DOK6: variants seen among roughly 807,000 people sequenced by gnomAD.
DOK6 encodes the protein downstream of tyrosine kinase 6.
In DOK6, 22 loss-of-function variants were observed where a neutral mutation model predicts 44.0. The ratio of observed to expected loss-of-function variants is 0.50; its 90% CI spans 0.36 to 0.71. The LOEUF (loss-of-function observed/expected upper bound fraction) is 0.71. Ranked by LOEUF, DOK6 falls within the 30% of genes least tolerant of loss-of-function variation. The pLI is 0.00. For missense variants in DOK6, 340 were observed against 416.4 expected, an observed-to-expected ratio of 0.82 and a Z score of 1.60; for synonymous variants, 166 against 145.5, an observed-to-expected ratio of 1.14 and a Z score of -1.01.
chr18:69,778,289 T>A (rs1980143549), intron 7 of DOK6, among the ~76,000 whole-genome samples: 1 of 152,118 alleles, frequency 6.6e-6, no homozygotes, highest in South Asian at 2.1e-4. Context: ...CAGGTCCTCC[T>A]AGAAGCAGAT....
At chr18:69,517,184 A>G (rs574080600) in intron 1 of DOK6, among the ~76,000 whole-genome samples, 1 of 152,336 alleles carries the variant, frequency 6.6e-6, no homozygotes, top group South Asian at 2.1e-4. Context: ...CCTAAGTCAG[A>G]ATAGAGTCAA....
At chr18:69,522,792 CA>C (rs1160259608) in intron 1 of DOK6, among the ~76,000 whole-genome samples, 2 of 152,090 alleles carry the variant, frequency 1.3e-5, no homozygotes, top group Admixed American at 1.3e-4. Context: ...TACTGTTCCA[CA>C]TTATTGAACT....
intron 1 of DOK6, among the ~76,000 whole-genome samples, chr18:69,472,622 G>T (rs1246594553): frequency 6.6e-6 from 1 of 151,908 alleles, no homozygotes; most frequent in Non-Finnish European, 1.5e-5. Flanking sequence ...CTTTTTATTT[G>T]CCTTTTTTCC....
intron 1 of DOK6, among the ~76,000 whole-genome samples, chr18:69,434,696 G>C (rs960016430): frequency 1.5e-5 from 2 of 130,918 alleles, no homozygotes; most frequent in Admixed American, 1.7e-4. Context: ...GGCAGAGGCG[G>C]GCGGATCACG....
intron 1 of DOK6, among the ~76,000 whole-genome samples, chr18:69,507,138 C>A (rs35808410): frequency 1.3e-5 from 2 of 151,702 alleles, no homozygotes; most frequent in East Asian, 1.9e-4. Context: ...AGCAATTCCC[C>A]TGCCTCAGCC....
chr18:69,424,011 T>C (rs1978567636), intron 1 of DOK6, among the ~76,000 whole-genome samples: 1 of 152,216 alleles, frequency 6.6e-6, no homozygotes, highest in African/African-American at 2.4e-5. Flanking sequence ...TTGTACAGAA[T>C]GTGATTTCCT....
chr18:69,527,585 AT>A (rs1171332253), intron 1 of DOK6, among the ~76,000 whole-genome samples: 1 of 152,144 alleles, frequency 6.6e-6, no homozygotes, highest in Non-Finnish European at 1.5e-5. Flanking sequence ...TCAAGATGAG[AT>A]TTGGGTGGGG....
chr18:69,409,891 A>G (rs1049430098), intron 1 of DOK6, among the ~76,000 whole-genome samples: 9 of 152,162 alleles, frequency 5.9e-5, no homozygotes, highest in Non-Finnish European at 7.3e-5. Context: ...TAAACTTACT[A>G]GCAAATAGGA....
At chr18:69,724,044 T>A (rs117582360) in intron 5 of DOK6, among the ~76,000 whole-genome samples, 4,011 of 152,338 alleles carry the variant, frequency 0.026, 73 homozygotes, top group Middle Eastern at 0.079. Flanking sequence ...CACAGGAGAT[T>A]TGCTTTTTAA....
intron 2 of DOK6, among the ~76,000 whole-genome samples, chr18:69,579,124 C>A (rs1281542452): frequency 6.6e-6 from 1 of 152,118 alleles, no homozygotes; most frequent in Admixed American, 6.5e-5. Context: ...TTGTTTTGAT[C>A]ATAACTGTTT....
chr18:69,423,473 T>A lies in DOK6; in HGVS notation c.66+22163T>A, dbSNP rs544468025. 2.0e-5 allele frequency among the ~76,000 whole-genome samples: 3 copies of A among 152,346 alleles called. No homozygotes were observed. In the East Asian group the frequency reaches 5.8e-4, roughly 29 times the overall value. ...TTGTATTGTCCTCTACTACATAAGTTAATCACTTTTCCTCTATTAATAGAC... is the reference window on the plus strand; with the variant it reads ...TTGTATTGTCCTCTACTACATAAGTAAATCACTTTTCCTCTATTAATAGAC... On this transcript the variant is annotated intron_variant, in intron 1 of 7. Transcript: ENST00000382713.
intron 2 of DOK6, among the ~76,000 whole-genome samples, chr18:69,577,879 C>T (rs914020638): frequency 1.3e-5 from 2 of 152,004 alleles, no homozygotes; most frequent in African/African-American, 2.4e-5. Context: ...AGATATCTAT[C>T]GCCAATAAGA....
chr18:69,626,031 A>G (rs1233888272), intron 3 of DOK6, among the ~76,000 whole-genome samples: 1 of 152,194 alleles, frequency 6.6e-6, no homozygotes, highest in South Asian at 2.1e-4. Flanking sequence ...TCCAAGATGC[A>G]TCTGACACCC....
At chr18:69,414,200 A>G (rs992021564) in intron 1 of DOK6, among the ~76,000 whole-genome samples, 3 of 152,056 alleles carry the variant, frequency 2.0e-5, no homozygotes, top group Non-Finnish European at 4.4e-5. Context: ...GACAACCTAC[A>G]TATGCAAAAA....
chr18:69,694,056 G>C (rs112786992), intron 4 of DOK6, among the ~76,000 whole-genome samples: 1,724 of 36,506 alleles, frequency 0.047, 50 homozygotes, highest in African/African-American at 0.16. Context: ...GAGACTCCGT[G>C]TCAAAAAAAA....
At chr18:69,649,084 G>C (rs1225438354) in intron 3 of DOK6, among the ~76,000 whole-genome samples, 2 of 152,146 alleles carry the variant, frequency 1.3e-5, no homozygotes, top group East Asian at 1.9e-4. Context: ...CATCCACACA[G>C]CTTCCCACTG....
At chr18:69,490,723 A>C in intron 1 of DOK6, among the ~76,000 whole-genome samples, 1 of 152,222 alleles carries the variant, frequency 6.6e-6, no homozygotes, top group South Asian at 2.1e-4. Context: ...ATATAAATAT[A>C]ACTGATTCTA....
At chr18:69,497,565 C>G (rs569058784) in intron 1 of DOK6, among the ~76,000 whole-genome samples, 1 of 152,306 alleles carries the variant, frequency 6.6e-6, no homozygotes, top group South Asian at 2.1e-4. Flanking sequence ...TCTGAAAGGA[C>G]GGTTACTAAT....
chr18:69,728,900 G>A (rs1426206720), intron 5 of DOK6, among the ~76,000 whole-genome samples: 1 of 152,078 alleles, frequency 6.6e-6, no homozygotes, highest in African/African-American at 2.4e-5. Context: ...TTTAATCTTT[G>A]ATCTCTCAAG....
Sources: gnomAD v4.1 joint callset for allele counts (sites outside exome capture counted in the v4.1 genomes callset) on GRCh38, gnomAD v4.1.1 for gene constraint, MANE v1.5 for transcripts, NCBI Gene and HGNC (gene_info 2026-07-23, HGNC 2026-07-21) for gene names.